AGBL1: variants seen among roughly 807,000 people sequenced by gnomAD.
The protein encoded by AGBL1 is AGBL carboxypeptidase 1.
AGBL1 carries 130 observed loss-of-function variants against 118.9 expected under a neutral mutation model. That is an observed-to-expected ratio of 1.09 (90% CI 0.95 to 1.26). The LOEUF (loss-of-function observed/expected upper bound fraction) is 1.26. AGBL1 is among the 50% of genes most tolerant of loss of function. The probability of loss-of-function intolerance (pLI) is 0.00; values close to 1 mark genes in which losing one functional copy is unlikely to be tolerated. For synonymous variants in AGBL1, 555 were observed against 478.9 expected (o/e 1.16, Z -2.08); for missense variants, 1,584 against 1,298.1 (o/e 1.22, Z -3.38).
intron 21 of AGBL1, among the ~76,000 whole-genome samples, chr15:86,579,059 A>G (rs550782497): frequency 1.3e-5 from 2 of 152,278 alleles, no homozygotes; most frequent in South Asian, 4.1e-4. Flanking sequence ...ACTTTTGTAA[A>G]AGCCTAGATG....
At chr15:86,724,235 C>CAA (rs1204898095) in intron 22 of AGBL1, among the ~76,000 whole-genome samples, 1,181 of 73,822 alleles carry the variant, frequency 0.016, 111 homozygotes, top group African/African-American at 0.059. Flanking sequence ...GACTCCATCT[C>CAA]AAAAAAAAAA....
intron 24 of AGBL1, among the ~76,000 whole-genome samples, chr15:87,005,286 T>A (rs1479474538): frequency 6.6e-6 from 1 of 152,224 alleles, no homozygotes; most frequent in Non-Finnish European, 1.5e-5. Flanking sequence ...GCAGAGTGTT[T>A]TCCAACTTGG....
chr15:86,313,018 G>T (rs1174358298), intron 17 of AGBL1, among the ~76,000 whole-genome samples: 1 of 152,232 alleles, frequency 6.6e-6, no homozygotes, highest in Non-Finnish European at 1.5e-5. Flanking sequence ...ACTTTAAGCT[G>T]CTGGGGAAGC....
At chr15:86,579,211 C>T (rs769444420) in intron 21 of AGBL1, among the ~76,000 whole-genome samples, 21 of 152,106 alleles carry the variant, frequency 1.4e-4, no homozygotes, top group Non-Finnish European at 2.4e-4. Flanking sequence ...TATTGCATTA[C>T]GTTGCAAATT....
At chr15:86,841,086 A>G (rs946624232) in intron 22 of AGBL1, among the ~76,000 whole-genome samples, 156 of 152,352 alleles carry the variant, frequency 1.0e-3, no homozygotes, top group African/African-American at 3.5e-3. Flanking sequence ...CGATGCGTAC[A>G]CTTGGAGAGA....
chr15:86,628,328 G>C (rs1484307697), intron 21 of AGBL1, among the ~76,000 whole-genome samples: 3 of 152,114 alleles, frequency 2.0e-5, no homozygotes, highest in African/African-American at 7.2e-5. Flanking sequence ...ATTCAGTTAG[G>C]AGACATAGTT....
intron 24 of AGBL1, among the ~76,000 whole-genome samples, chr15:87,017,403 C>T (rs543715984): frequency 1.3e-5 from 2 of 152,254 alleles, no homozygotes; most frequent in South Asian, 4.1e-4. Flanking sequence ...GTCCGTACTT[C>T]CCTGGGACTG....
intron 24 of AGBL1, among the ~76,000 whole-genome samples, chr15:87,003,776 T>A (rs1375817124): frequency 6.6e-6 from 1 of 152,232 alleles, no homozygotes; most frequent in African/African-American, 2.4e-5. Context: ...GAGATGTTTA[T>A]AGTATTCTCT....
At chr15:86,610,627 C>T (rs533393061) in intron 21 of AGBL1, among the ~76,000 whole-genome samples, 11 of 152,190 alleles carry the variant, frequency 7.2e-5, no homozygotes, top group South Asian at 4.1e-4. Context: ...AATTATTTCC[C>T]GCAAATCTAT....
intron 22 of AGBL1, among the ~76,000 whole-genome samples, chr15:86,830,966 T>C (rs534701173): frequency 1.3e-5 from 2 of 152,284 alleles, no homozygotes; most frequent in East Asian, 3.9e-4. Flanking sequence ...TTTAATGGAC[T>C]CACAGTTCCA....
intron 23 of AGBL1, among the ~76,000 whole-genome samples, chr15:86,968,174 G>A (rs1396891048): frequency 6.6e-6 from 1 of 151,864 alleles, no homozygotes; most frequent in Non-Finnish European, 1.5e-5. Flanking sequence ...ATCATTTGGA[G>A]TAGTGACAAT....
rs114251863 is a variant in AGBL1, at chr15:86,705,617, G to A, written c.3158+31181G>A. On this transcript the variant is annotated intron_variant, in intron 22 of 22. Coordinates refer to ENST00000614907, the MANE Select transcript of AGBL1 (RefSeq NM_001386094.1). The stretch of plus-strand genomic sequence containing the variant: ...AATTGAGACTGCTAGTGGTTATGGG[G>A]ATGTAAGCATTATACAGCCTTAAAT... 2.2e-3 allele frequency among the ~76,000 whole-genome samples: 329 copies of A among 152,254 alleles called. 2 individuals carry two copies. Among genetic ancestry groups the A allele is most frequent in the African/African-American group, 7.6e-3 (316 of 41,550 alleles).
intron 22 of AGBL1, among the ~76,000 whole-genome samples, chr15:86,702,982 G>C (rs1405198194): frequency 6.6e-6 from 1 of 152,120 alleles, no homozygotes; most frequent in Non-Finnish European, 1.5e-5. Context: ...TAAATGATTG[G>C]AGGATGAGGA....
chr15:86,780,666 T>TTG (rs2078323462), intron 22 of AGBL1, among the ~76,000 whole-genome samples: 1 of 151,426 alleles, frequency 6.6e-6, no homozygotes, highest in Admixed American at 6.6e-5. Flanking sequence ...TCTTTTTTTT[T>TTG]TTTTTCTTTT....
rs1231283980 is a variant in AGBL1 at position 86,247,860 on chromosome 15, T to A, written c.716T>A (p.Ile239Asn). The part of the protein sequence containing the change: ...EAFLAAQGME[I>N]LFSTTQNCLD... ...TTCCTGGCAGCACAGGGCATGGAGA[T>A]CCTCTTCAGCACCACACAGGCAGGC... Residue 239 changes from isoleucine (I) to asparagine (N), a missense_variant, in exon 7 of 23, where the codon ATC (isoleucine) becomes AAC (asparagine). Physicochemically the swap from Ile to Asn is moderately radical, Grantham distance 149 (BLOSUM62 -3). Transcript: ENST00000614907. 1 of 1,613,864 alleles carries A rather than the reference T, an allele frequency of 6.2e-7. No homozygotes were observed. The highest frequency in any genetic ancestry group is 8.5e-7 in the Non-Finnish European group (1 of 1,179,882).
chr15:86,193,142 A>G (rs535352674), intron 5 of AGBL1, among the ~76,000 whole-genome samples: 18 of 152,052 alleles, frequency 1.2e-4, no homozygotes, highest in Non-Finnish European at 2.6e-4. Flanking sequence ...ATCTTTGGGA[A>G]CCCTCTTCAC....
intron 22 of AGBL1, among the ~76,000 whole-genome samples, chr15:86,753,758 C>G (rs944693503): frequency 6.6e-6 from 1 of 151,976 alleles, no homozygotes; most frequent in African/African-American, 2.4e-5. Context: ...GGAGAGATGC[C>G]CCTTTATCTC....
At position 86,271,611 on chromosome 15, in the gene AGBL1, T is replaced by C. The variant is rs372008211; in HGVS notation, c.1988-8T>C. ...CTCATGGATTAATTCCTTTCTGATT[T>C]TGTGTAGGGATGCAGCCCACCCTAT... is the stretch of plus-strand genomic sequence containing the variant. On this transcript the variant is annotated splice_polypyrimidine_tract_variant and splice_region_variant and intron_variant, in intron 14 of 22. Coordinates refer to ENST00000614907, the MANE Select transcript of AGBL1 (RefSeq NM_001386094.1). 22 of 1,600,834 alleles carry C rather than the reference T, an allele frequency of 1.4e-5. No individual in the cohort carries two copies. The African/African-American group carries it at 1.5e-4, about 11-fold the overall frequency.
Position 86,264,378 on chromosome 15 carries a change from T to C in AGBL1, c.1207T>C (p.Cys403Arg), listed in dbSNP as rs746202380. 1.2e-6 allele frequency: 2 copies of C among 1,613,866 alleles called. 1 individual carries two copies. Among genetic ancestry groups the C allele is most frequent in the South Asian group, 2.2e-5 (2 of 91,026 alleles). ...TTGCTACAGCAAGGACCAAAGCTCC[T>C]GTGGGCAAGAAAGAGAATATGCTGT... ...QHCYSKDQSS[C>R]GQEREYAVQT... The change falls in exon 11 of 23, where the codon TGT (cysteine) becomes CGT (arginine). Residue 403 changes from cysteine (C) to arginine (R), a missense_variant. Cys to Arg is a radical substitution (Grantham distance 180, BLOSUM62 -3). Transcript: ENST00000614907.
Sources: gnomAD v4.1 joint callset for allele counts (sites outside exome capture counted in the v4.1 genomes callset) on GRCh38, gnomAD v4.1.1 for gene constraint, MANE v1.5 for transcripts, NCBI Gene and HGNC (gene_info 2026-07-23, HGNC 2026-07-21) for gene names.